Variants in CDH13 observed in about 807,000 individuals in gnomAD.
CDH13 encodes the protein cadherin 13.
A neutral mutation model predicts 63.8 loss-of-function variants in CDH13; 24 were observed. The observed-to-expected ratio is 0.38, with a 90% CI of 0.27 to 0.53. CDH13 has a LOEUF of 0.53. Among genes scored for constraint, CDH13 ranks in the 20% least tolerant of loss-of-function variants. The pLI, the probability that CDH13 is intolerant of heterozygous loss-of-function variation, is 0.85. For synonymous variants in CDH13, 503 were observed against 355.3 expected, an observed-to-expected ratio of 1.42 and a Z score of -4.67; for missense variants, 1,049 against 903.1, an observed-to-expected ratio of 1.16 and a Z score of -2.07.
chr16:83,172,162 G>A (rs61226740), intron 4 of CDH13, among the ~76,000 whole-genome samples: 9,522 of 152,096 alleles, frequency 0.063, 538 homozygotes, highest in African/African-American at 0.14. Context: ...GAAATTTGGA[G>A]ATAGACTCAC....
intron 4 of CDH13, among the ~76,000 whole-genome samples, chr16:83,201,382 T>C (rs182353828): frequency 2.6e-5 from 4 of 152,280 alleles, no homozygotes; most frequent in Non-Finnish European, 5.9e-5. Context: ...AGGATGATGC[T>C]GGAAGGAAAG....
intron 7 of CDH13, among the ~76,000 whole-genome samples, chr16:83,501,683 G>T (rs568933623): frequency 2.6e-5 from 4 of 152,242 alleles, no homozygotes; most frequent in Admixed American, 2.6e-4. Flanking sequence ...TGCCTTTCCT[G>T]AGTCACCCAC....
intron 5 of CDH13, among the ~76,000 whole-genome samples, chr16:83,286,419 G>A (rs113053645): frequency 5.0e-4 from 76 of 152,244 alleles, no homozygotes; most frequent in African/African-American, 1.7e-3. Flanking sequence ...CTGGTCAGAG[G>A]CAGCTTTACA....
intron 2 of CDH13, among the ~76,000 whole-genome samples, chr16:83,029,770 C>G (rs529297111): frequency 6.6e-6 from 1 of 152,060 alleles, no homozygotes; most frequent in East Asian, 1.9e-4. Flanking sequence ...CATGTTATGG[C>G]CTGGTTGCTG....
At chr16:83,503,701 T>A (rs4782804) in intron 7 of CDH13, among the ~76,000 whole-genome samples, 2 of 152,198 alleles carry the variant, frequency 1.3e-5, no homozygotes, top group South Asian at 4.1e-4. Flanking sequence ...CTTGAGAAGT[T>A]TCTGTTCATA....
chr16:82,770,961 C>A (rs145968225), intron 1 of CDH13, among the ~76,000 whole-genome samples: 1 of 152,308 alleles, frequency 6.6e-6, no homozygotes. Flanking sequence ...GCAATCCCCC[C>A]GCTTCGGCCT....
chr16:82,955,495 A>G (rs760650716), intron 2 of CDH13, among the ~76,000 whole-genome samples: 1 of 152,226 alleles, frequency 6.6e-6, no homozygotes, highest in Non-Finnish European at 1.5e-5. Context: ...GGGTGTAGTG[A>G]TGCATGCTTT....
At chr16:83,276,197 T>G (rs1399882251) in intron 5 of CDH13, among the ~76,000 whole-genome samples, 2 of 152,100 alleles carry the variant, frequency 1.3e-5, no homozygotes, top group Non-Finnish European at 2.9e-5. Context: ...ACTCCAACTC[T>G]GAGAACTTCT....
intron 4 of CDH13, among the ~76,000 whole-genome samples, chr16:83,202,250 T>C (rs2039053972): frequency 6.6e-6 from 1 of 152,152 alleles, no homozygotes; most frequent in African/African-American, 2.4e-5. Context: ...ACTGACATAG[T>C]GCTAGGCCCA....
intron 6 of CDH13, among the ~76,000 whole-genome samples, chr16:83,387,646 TC>T (rs1448942858): frequency 1.3e-5 from 2 of 152,238 alleles, no homozygotes; most frequent in Non-Finnish European, 2.9e-5. Flanking sequence ...GATAAGTTTT[TC>T]TTGCAAATCT....
chr16:82,659,683 G>A (rs185683440), intron 1 of CDH13, among the ~76,000 whole-genome samples: 2 of 152,260 alleles, frequency 1.3e-5, no homozygotes, highest in Admixed American at 6.5e-5. Flanking sequence ...TACAATGGGG[G>A]TAACATGGAC....
chr16:82,801,106 T>C (rs2036834717), intron 1 of CDH13, among the ~76,000 whole-genome samples: 1 of 152,206 alleles, frequency 6.6e-6, no homozygotes, highest in Admixed American at 6.5e-5. Context: ...TAGAAAATGT[T>C]GGGTTTGTTC....
intron 1 of CDH13, among the ~76,000 whole-genome samples, chr16:82,669,447 C>A (rs1467361360): frequency 3.3e-5 from 5 of 152,228 alleles, no homozygotes; most frequent in East Asian, 1.9e-4. Context: ...ACCCATTGAG[C>A]CTTTTATTTT....
intron 12 of CDH13, among the ~76,000 whole-genome samples, chr16:83,782,733 C>G (rs1311422522): frequency 7.7e-6 from 1 of 130,636 alleles, no homozygotes; most frequent in Non-Finnish European, 1.6e-5. Context: ...GAGACCCTGT[C>G]TCGAAAAAAA....
chr16:83,223,021 G>A (rs975696489), intron 5 of CDH13, among the ~76,000 whole-genome samples: 3 of 151,570 alleles, frequency 2.0e-5, no homozygotes, highest in African/African-American at 7.3e-5. Flanking sequence ...ACCTAATCTG[G>A]ACAATCAGAT....
At chr16:83,254,048 G>A (rs779868885) in intron 5 of CDH13, among the ~76,000 whole-genome samples, 1 of 152,214 alleles carries the variant, frequency 6.6e-6, no homozygotes, top group Non-Finnish European at 1.5e-5. Flanking sequence ...GTGTTCCTGA[G>A]AGAAGGACAA....
chr16:83,191,397 A>G (rs1386411227), intron 4 of CDH13, among the ~76,000 whole-genome samples: 2 of 145,546 alleles, frequency 1.4e-5, no homozygotes, highest in African/African-American at 5.1e-5. Context: ...CATCAAATAA[A>G]TTAGAGTTTA....
At chr16:83,777,366 C>G (rs1198543543) in intron 11 of CDH13, among the ~76,000 whole-genome samples, 1 of 152,216 alleles carries the variant, frequency 6.6e-6, no homozygotes, top group Non-Finnish European at 1.5e-5. Flanking sequence ...CCACGGCACC[C>G]CATGACTTTG....
At chr16:83,154,117 T>A (rs2037105187) in intron 4 of CDH13, among the ~76,000 whole-genome samples, 1 of 152,134 alleles carries the variant, frequency 6.6e-6, no homozygotes, top group African/African-American at 2.4e-5. Flanking sequence ...CATGTTCCAT[T>A]GAGAAATGGG....
Sources: allele counts gnomAD v4.1 joint callset (sites outside exome capture counted in the v4.1 genomes callset), GRCh38; gene constraint gnomAD v4.1.1; transcripts MANE v1.5; gene names NCBI Gene and HGNC (gene_info 2026-07-23, HGNC 2026-07-21).